DCBLD1: variants seen among roughly 807,000 people sequenced by gnomAD.
The protein encoded by DCBLD1 is discoidin, CUB and LCCL domain-containing protein 1.
DCBLD1 carries 57 observed loss-of-function variants against 71.5 expected under a neutral mutation model. The observed-to-expected ratio is 0.80, with a 90% confidence interval of 0.64 to 0.99. The LOEUF (loss-of-function observed/expected upper bound fraction) is 0.99. DCBLD1 is among the 50% of genes least tolerant of loss of function. The pLI is 0.00. For synonymous variants in DCBLD1, 380 were observed against 363.8 expected, an observed-to-expected ratio of 1.04 and a Z score of -0.51; for missense variants, 891 against 923.5, an observed-to-expected ratio of 0.96 and a Z score of 0.46.
At position 117,548,274 on chromosome 6, in the gene DCBLD1, G is replaced by A. The variant is rs374278740; in HGVS notation, c.1983G>A (p.Ala661=). ...AAAGGCCACACAGCGCACAGCCTGC[G>A]GACAGGGGCTACGACCGGCCCAAAG... ...DYQRPHSAQP[A]DRGYDRPKAV... Residue 661 remains alanine (A), a synonymous_variant, in exon 15 of 15, where the codon GCG becomes GCA. Coordinates refer to ENST00000338728, the MANE Select transcript of DCBLD1 (RefSeq NM_001366458.2). The A allele has an allele frequency of 8.4e-6, 13 of 1,550,526 alleles. 1 individual carries two copies. The Admixed American group carries it at 1.4e-4, about 16-fold the overall frequency.
intron 14 of DCBLD1, among the ~76,000 whole-genome samples, chr6:117,546,516 C>T (rs1287338637): frequency 6.6e-6 from 1 of 152,162 alleles, no homozygotes; most frequent in East Asian, 1.9e-4. Flanking sequence ...AGGAGAGCAT[C>T]CTCTGCAACC....
chr6:117,550,708 T>C (rs1040311229), downstream of DCBLD1, among the ~76,000 whole-genome samples: 9 of 152,236 alleles, frequency 5.9e-5, no homozygotes, highest in Non-Finnish European at 8.8e-5. Flanking sequence ...TAGGCACAAC[T>C]GTATATACCA....
rs1554262393 is a variant in DCBLD1, at chr6:117,482,970, C to CGGGCG, written c.112+81_112+82insGGGGC. The CGGGCG allele has an allele frequency of 8.3e-6, 5 of 601,860 alleles. No homozygotes were observed. The Admixed American group carries it at 3.3e-4, about 40-fold the overall frequency. 37.3% of individuals were successfully genotyped at this position (601,860 alleles called of 1,614,324 possible). A position where few individuals can be genotyped will look rare whatever the true frequency, so the allele number is the denominator to read the frequency against. On this transcript the variant is annotated intron_variant, in intron 1 of 14. Transcript: ENST00000338728. Reference sequence around the variant, plus strand: ...CTGAGGGCTGCGGGGCGGGCCGGGCCGGGCCGAGGGCTACGGGGCGGGCCG... The same window carrying CGGGCG: ...CTGAGGGCTGCGGGGCGGGCCGGGCCGGGCGGGGCCGAGGGCTACGGGGCGGGCCG...
In DCBLD1 at chr6:117,549,225, G is replaced by C. The variant is rs1779379354; in HGVS notation, c.*786G>C. The C allele has an allele frequency of 2.0e-6, 2 of 985,300 alleles. No homozygotes were observed. Among genetic ancestry groups the C allele is most frequent in the Non-Finnish European group, 2.4e-6 (2 of 829,936 alleles). The allele number at this position is 985,300 out of a possible 1,614,324, so 61.0% of individuals were successfully genotyped here. A position where few individuals can be genotyped will look rare whatever the true frequency, so the allele number is the denominator to read the frequency against. On this transcript the variant is annotated 3_prime_UTR_variant, in exon 15 of 15. Coordinates refer to ENST00000338728, the MANE Select transcript of DCBLD1 (RefSeq NM_001366458.2). Reference sequence around the variant, plus strand: ...CTGTGTCAGATGTTTTCGTACCTCAGATTAAAAATATTGCTGAGGTCAGAC... The same window carrying C: ...CTGTGTCAGATGTTTTCGTACCTCACATTAAAAATATTGCTGAGGTCAGAC...
At position 117,538,607 on chromosome 6, in the gene DCBLD1, A is replaced by G; in HGVS notation, c.761-13A>G. 1 of 1,612,966 alleles carries G rather than the reference A, an allele frequency of 6.2e-7. No individual in the cohort carries two copies. The highest frequency in any genetic ancestry group is 1.7e-4 in the Middle Eastern group (1 of 6,052). On this transcript the variant is annotated splice_polypyrimidine_tract_variant and intron_variant, in intron 7 of 14. Coordinates refer to ENST00000338728, the MANE Select transcript of DCBLD1 (RefSeq NM_001366458.2). ...GTCTGTATCTAAAATATCTTACTGC[A>G]CTCTTTTTTCAGGTTGCAGCAGATC...
At chr6:117,505,573 G>C (rs1777813343) in intron 2 of DCBLD1, among the ~76,000 whole-genome samples, 1 of 152,190 alleles carries the variant, frequency 6.6e-6, no homozygotes, top group African/African-American at 2.4e-5. Context: ...GCAACTAAGG[G>C]AAGCAAATCT....
At chr6:117,558,555 T>G (rs1200408990) in intron 14 of DCBLD1, among the ~76,000 whole-genome samples, 1 of 152,216 alleles carries the variant, frequency 6.6e-6, no homozygotes, top group African/African-American at 2.4e-5. Flanking sequence ...AAAGCTTTAT[T>G]CACAATTATG....
chr6:117,493,631 C>T (rs1299710798), intron 1 of DCBLD1, among the ~76,000 whole-genome samples: 1 of 152,176 alleles, frequency 6.6e-6, no homozygotes, highest in Non-Finnish European at 1.5e-5. Flanking sequence ...TGGGCAATGT[C>T]TTAAATATCG....
chr6:117,545,363 A>G, intron 13 of DCBLD1, 115 bp from the exon 14 acceptor site: 3 of 1,409,776 alleles, frequency 2.1e-6, no homozygotes, highest in Non-Finnish European at 2.9e-6. Context: ...GAGGACATTG[A>G]TCACTGTCAG....
At chr6:117,491,303 T>G (rs954765568) in intron 1 of DCBLD1, among the ~76,000 whole-genome samples, 1 of 152,138 alleles carries the variant, frequency 6.6e-6, no homozygotes, top group Admixed American at 6.5e-5. Flanking sequence ...ATTTTGAGAA[T>G]AAAATGAACC....
rs1053353969 is a variant in DCBLD1, at chr6:117,540,486, C to G, written c.1102-182C>G. ...TCAGTAAACAGTTGAGCAGCACCAC[C>G]TTAGTTAGATAAATTGGCCCTTGTT... On this transcript the variant is annotated intron_variant, in intron 9 of 14. Transcript: ENST00000338728. The G allele has an allele frequency of 4.7e-6, 3 of 634,040 alleles. No homozygotes were observed. The Admixed American group carries it at 8.9e-5, about 19-fold the overall frequency. 39.3% of individuals were successfully genotyped at this position (634,040 alleles called of 1,614,324 possible). A position where few individuals can be genotyped will look rare whatever the true frequency, so the allele number is the denominator to read the frequency against.
rs987587898 is a variant in DCBLD1 at position 117,491,040 on chromosome 6, G to C, written c.112+8147G>C. Among the ~76,000 whole-genome samples, 4 of 152,148 alleles carry C rather than the reference G, an allele frequency of 2.6e-5. No homozygotes were observed. In the East Asian group the frequency reaches 5.8e-4, roughly 22 times the overall value. Reference sequence around the variant, plus strand: ...TGTCCAGTTAAATTTGAATTACCAAGGCATAAAATTTCCTACAGGGAAAAT... The same window carrying C: ...TGTCCAGTTAAATTTGAATTACCAACGCATAAAATTTCCTACAGGGAAAAT... On this transcript the variant is annotated intron_variant, in intron 1 of 14. Transcript: ENST00000338728.
At chr6:117,533,145 T>C (rs1331138797) in intron 6 of DCBLD1, among the ~76,000 whole-genome samples, 1 of 152,196 alleles carries the variant, frequency 6.6e-6, no homozygotes, top group Non-Finnish European at 1.5e-5. Context: ...CTTGAGCCAC[T>C]GTATTTCTCT....
Position 117,557,196 on chromosome 6 carries a change from A to G in DCBLD1, c.1615+11599A>G, listed in dbSNP as rs373397813. ...CTCCCACTATGATGATAGATTTAAC[A>G]TTGTAGTAAATTGGTTCTTTAAGAA... On this transcript the variant is annotated intron_variant, in intron 14 of 14. Transcript: ENST00000296955. Among the ~76,000 whole-genome samples, 6 of 152,306 alleles carry G rather than the reference A, an allele frequency of 3.9e-5. No homozygotes were observed. In the South Asian group the frequency reaches 1.2e-3, roughly 32 times the overall value.
Position 117,549,245 on chromosome 6 carries a change from T to C in DCBLD1, c.*806T>C, listed in dbSNP as rs181538515. The C allele has an allele frequency of 3.0e-6, 3 of 985,248 alleles. No individual in the cohort carries two copies. Among genetic ancestry groups the C allele is most frequent in the Non-Finnish European group, 3.6e-6 (3 of 829,930 alleles). 61.0% of individuals were successfully genotyped at this position (985,248 alleles called of 1,614,324 possible). On this transcript the variant is annotated 3_prime_UTR_variant, in exon 15 of 15. Transcript: ENST00000338728. Reference sequence around the variant, plus strand: ...CCTCAGATTAAAAATATTGCTGAGGTCAGACGCCACAATTTTCATGACTTT... The same window carrying C: ...CCTCAGATTAAAAATATTGCTGAGGCCAGACGCCACAATTTTCATGACTTT...
intron 2 of DCBLD1, among the ~76,000 whole-genome samples, chr6:117,516,075 C>T (rs533015427): frequency 1.9e-4 from 29 of 151,968 alleles, no homozygotes; most frequent in African/African-American, 3.4e-4. Context: ...AAGTATTGGT[C>T]GGGCGCGGTG....
At chr6:117,540,502 G>T in intron 9 of DCBLD1, 166 bp from the exon 10 acceptor site, 1 of 690,536 alleles carries the variant, frequency 1.4e-6, no homozygotes, top group Non-Finnish European at 2.4e-6. Context: ...TAGATAAATT[G>T]GCCCTTGTTT....
chr6:117,537,222 A>G lies in DCBLD1; in HGVS notation c.757A>G (p.Asn253Asp). 1 of 1,613,692 alleles carries G rather than the reference A, an allele frequency of 6.2e-7. No homozygotes were observed. The highest frequency in any genetic ancestry group is 8.5e-7 in the Non-Finnish European group (1 of 1,179,760). The change falls in exon 7 of 15, where the codon AAT becomes GAT. Residue 253 changes from asparagine to aspartate, a missense_variant. Transcript: ENST00000338728. ...AGACAAGCGATTTCTGTTTACCTCC[A>G]ATGGTAAGGATCATGCTTTCCTTAA... Reference protein sequence around the residue: ...LSDKRFLFTSNGCSRSLSFEP... With the variant: ...LSDKRFLFTSDGCSRSLSFEP...
At chr6:117,540,282 A>G (rs1352802310) in intron 9 of DCBLD1, 3 of 181,340 alleles carry the variant, frequency 1.7e-5, no homozygotes, top group East Asian at 2.6e-4. Flanking sequence ...TGAGTTGGAC[A>G]TTTGTCTTGG....
Sources: allele counts gnomAD v4.1 joint callset (sites outside exome capture counted in the v4.1 genomes callset), GRCh38; gene constraint gnomAD v4.1.1; transcripts MANE v1.5; gene names NCBI Gene and HGNC (gene_info 2026-07-23, HGNC 2026-07-21).